Variants in NAA11 observed in about 807,000 individuals in gnomAD.
NAA11 encodes the protein N-alpha-acetyltransferase 11.
NAA11 carries 15 observed loss-of-function variants against 16.1 expected under a neutral mutation model. The ratio of observed to expected loss-of-function variants is 0.93; its 90% CI spans 0.62 to 1.44. The LOEUF (loss-of-function observed/expected upper bound fraction) is 1.44, where lower values mean the gene tolerates loss of function less well. Ranked by LOEUF, NAA11 falls within the 40% of genes most tolerant of loss-of-function variation. NAA11 has a pLI of 0.00. For synonymous variants in NAA11, 122 were observed against 112.4 expected, an observed-to-expected ratio of 1.09 and a Z score of -0.54; for missense variants, 298 against 291.3, an observed-to-expected ratio of 1.02 and a Z score of -0.17.
At chr4:79,228,850 T>C (rs893141825) in intron 2 of NAA11, among the ~76,000 whole-genome samples, 1 of 152,060 alleles carries the variant, frequency 6.6e-6, no homozygotes, top group Non-Finnish European at 1.5e-5. Flanking sequence ...CTGAATTATA[T>C]GGTATGTATG....
the NAA11 span, among the ~76,000 whole-genome samples, chr4:79,217,187 A>G: frequency 1.3e-5 from 2 of 152,174 alleles, no homozygotes; most frequent in Admixed American, 6.6e-5. Flanking sequence ...GCATTTTCAT[A>G]TAGCCCCAGT....
chr4:79,230,515 A>AG (rs397734161), intron 2 of NAA11, among the ~76,000 whole-genome samples: 1 of 151,524 alleles, frequency 6.6e-6, no homozygotes, highest in Non-Finnish European at 1.5e-5. Flanking sequence ...TTCCTACAAA[A>AG]GAAACCTCAC....
In NAA11 at chr4:79,261,175, T is replaced by C. The variant is rs1173825926; in HGVS notation, c.*122+32830A>G. ...ACTTTATTATACACAAAGAATAGCC[T>C]AGTTATTATTATTTTTAATGCAGTC... is the stretch of plus-strand genomic sequence containing the variant. On this transcript the variant is annotated intron_variant and NMD_transcript_variant, in intron 2 of 2. Coordinates refer to the NAA11 transcript ENST00000511542. 2.0e-5 allele frequency among the ~76,000 whole-genome samples: 3 copies of C among 152,182 alleles called. No individual in the cohort carries two copies. The East Asian group carries it at 5.8e-4, about 29-fold the overall frequency.
intron 2 of NAA11, among the ~76,000 whole-genome samples, chr4:79,237,860 T>C (rs1721605063): frequency 6.6e-6 from 1 of 152,248 alleles, no homozygotes; most frequent in South Asian, 2.1e-4. Context: ...TTATTCATTA[T>C]ATGCCCTGTT....
At chr4:79,189,853 G>C in the NAA11 span, among the ~76,000 whole-genome samples, 1 of 152,166 alleles carries the variant, frequency 6.6e-6, no homozygotes, top group African/African-American at 2.4e-5. Context: ...AGAAATAATT[G>C]ATAGAGCAAA....
At chr4:79,165,568 T>C in the NAA11 span, among the ~76,000 whole-genome samples, 387 of 152,354 alleles carry the variant, frequency 2.5e-3, 1 homozygote, top group African/African-American at 8.7e-3. Flanking sequence ...ATGAAATATA[T>C]GTAGAATTGG....
downstream of NAA11, among the ~76,000 whole-genome samples, chr4:79,224,526 GACAA>G (rs1487827436): frequency 6.6e-6 from 1 of 152,052 alleles, no homozygotes; most frequent in Admixed American, 6.6e-5. Context: ...CAACCAACCA[GACAA>G]ACAATATAAA....
At chr4:79,167,868 T>C in the NAA11 span, among the ~76,000 whole-genome samples, 1 of 151,988 alleles carries the variant, frequency 6.6e-6, no homozygotes, top group African/African-American at 2.4e-5. Flanking sequence ...ACTCTTTAAA[T>C]TTTATTTATT....
chr4:79,303,807 T>C (rs917849756), intron 1 of NAA11, among the ~76,000 whole-genome samples: 3 of 152,116 alleles, frequency 2.0e-5, no homozygotes, highest in Non-Finnish European at 4.4e-5. Flanking sequence ...GAAGTAAGAG[T>C]ATGAAAACAC....
chr4:79,204,381 G>A, the NAA11 span, among the ~76,000 whole-genome samples: 2 of 151,678 alleles, frequency 1.3e-5, no homozygotes, highest in Non-Finnish European at 2.9e-5. Context: ...AATGGTTAGC[G>A]AAAAATCAGG....
intron 2 of NAA11, among the ~76,000 whole-genome samples, chr4:79,275,704 G>A (rs1722631501): frequency 6.6e-6 from 1 of 152,040 alleles, no homozygotes; most frequent in African/African-American, 2.4e-5. Context: ...ACAGATCTAG[G>A]GCAAGGCTTT....
chr4:79,237,585 A>G (rs1237302301), intron 2 of NAA11, among the ~76,000 whole-genome samples: 5 of 152,208 alleles, frequency 3.3e-5, no homozygotes, highest in African/African-American at 4.8e-5. Flanking sequence ...TCATTTTGAC[A>G]GTGTTTGATA....
At position 79,326,022 on chromosome 4, in the gene NAA11, A is replaced by G. The variant is rs918831825; in HGVS notation, c.-145T>C. The G allele has an allele frequency of 1.5e-6, 1 of 668,322 alleles. No homozygotes were observed. Among genetic ancestry groups the G allele is most frequent in the Non-Finnish European group, 2.6e-6 (1 of 386,482 alleles). 41.4% of individuals were successfully genotyped at this position (668,322 alleles called of 1,614,324 possible). A position where few individuals can be genotyped will look rare whatever the true frequency, so the allele number is the denominator to read the frequency against. ...ATCGTGTGGAGGGCGGATGGCGGGAAGGCGGAAGGAGCAGGAGATGGAAAA... is the reference window on the plus strand; with the variant it reads ...ATCGTGTGGAGGGCGGATGGCGGGAGGGCGGAAGGAGCAGGAGATGGAAAA... On this transcript the variant is annotated 5_prime_UTR_variant, in exon 1 of 2. Coordinates refer to ENST00000286794, the MANE Select transcript of NAA11 (RefSeq NM_032693.3).
intron 1 of NAA11, among the ~76,000 whole-genome samples, chr4:79,298,323 C>T (rs774729247): frequency 3.9e-5 from 6 of 152,200 alleles, no homozygotes; most frequent in Admixed American, 1.3e-4. Flanking sequence ...AGCAGTAACA[C>T]GAACAGGCCT....
At chr4:79,170,901 A>G in the NAA11 span, among the ~76,000 whole-genome samples, 5 of 149,128 alleles carry the variant, frequency 3.4e-5, no homozygotes, top group Admixed American at 6.9e-5. Context: ...TATGTAAAGT[A>G]ATAGTTAAAT....
At chr4:79,252,152 G>C (rs904888324) in intron 2 of NAA11, among the ~76,000 whole-genome samples, 1 of 152,198 alleles carries the variant, frequency 6.6e-6, no homozygotes, top group African/African-American at 2.4e-5. Flanking sequence ...TGAACTGAGA[G>C]AGTGCAATGA....
intron 2 of NAA11, among the ~76,000 whole-genome samples, chr4:79,236,103 C>T (rs1030586194): frequency 1.3e-5 from 2 of 152,092 alleles, no homozygotes; most frequent in Non-Finnish European, 2.9e-5. Flanking sequence ...AATTTTATAA[C>T]CTACTTATAA....
chr4:79,160,835 A>G, the NAA11 span, among the ~76,000 whole-genome samples: 4 of 152,150 alleles, frequency 2.6e-5, no homozygotes, highest in African/African-American at 9.6e-5. Flanking sequence ...TTTGAAACAT[A>G]AAAGTTTTTA....
At chr4:79,162,531 C>T in the NAA11 span, among the ~76,000 whole-genome samples, 1 of 152,106 alleles carries the variant, frequency 6.6e-6, no homozygotes, top group East Asian at 1.9e-4. Context: ...GTGAGAATGC[C>T]AGAAGAATTG....
Sources: gnomAD v4.1 joint callset for allele counts (sites outside exome capture counted in the v4.1 genomes callset) on GRCh38, gnomAD v4.1.1 for gene constraint, MANE v1.5 for transcripts, NCBI Gene and HGNC (gene_info 2026-07-23, HGNC 2026-07-21) for gene names.